Variants in ZNF407 observed in about 807,000 individuals in gnomAD.
ZNF407 encodes the protein zinc finger protein 407.
Under a neutral mutation model 131.2 loss-of-function variants are expected in ZNF407, and 17 were observed. That is an observed-to-expected ratio of 0.13 (90% CI 0.09 to 0.19). The LOEUF is 0.19. Ranked by LOEUF, ZNF407 falls within the 10% of genes least tolerant of loss-of-function variation. The probability of loss-of-function intolerance (pLI) is 1.00; values close to 1 mark genes in which losing one functional copy is unlikely to be tolerated. For synonymous variants in ZNF407, 1,156 were observed against 1,062.0 expected (o/e 1.09, Z -1.72); for missense variants, 2,681 against 2,830.6 (o/e 0.95, Z 1.20).
chr18:74,674,931 T>A (rs532863286), intron 3 of ZNF407, among the ~76,000 whole-genome samples: 1 of 152,322 alleles, frequency 6.6e-6, no homozygotes, highest in African/African-American at 2.4e-5. Flanking sequence ...AATGTATATC[T>A]CTAGTCTTGA....
intron 3 of ZNF407, among the ~76,000 whole-genome samples, chr18:74,669,591 G>T (rs558413994): frequency 6.6e-6 from 1 of 152,200 alleles, no homozygotes; most frequent in African/African-American, 2.4e-5. Context: ...TTGGAAGTTA[G>T]TTATTGACCA....
At chr18:74,754,449 A>T (rs1048943400) in intron 3 of ZNF407, among the ~76,000 whole-genome samples, 7 of 152,130 alleles carry the variant, frequency 4.6e-5, no homozygotes, top group Admixed American at 2.6e-4. Context: ...TTAGGATATC[A>T]ATTTTAGATC....
chr18:74,758,525 A>ATT (rs1489003306), intron 3 of ZNF407, among the ~76,000 whole-genome samples: 1 of 152,204 alleles, frequency 6.6e-6, no homozygotes, highest in East Asian at 1.9e-4. Flanking sequence ...CAAATTTGTA[A>ATT]TTACTGTTTT....
chr18:74,876,682 A>G (rs1971161129), intron 4 of ZNF407, among the ~76,000 whole-genome samples: 1 of 152,190 alleles, frequency 6.6e-6, no homozygotes, highest in African/African-American at 2.4e-5. Flanking sequence ...ATGTACCCAC[A>G]TGGTCACACA....
intron 8 of ZNF407, among the ~76,000 whole-genome samples, chr18:74,932,106 C>T (rs1971989340): frequency 1.3e-5 from 2 of 152,084 alleles, no homozygotes; most frequent in South Asian, 4.1e-4. Flanking sequence ...AAGCTAGTTG[C>T]CTAACTTGAG....
intron 8 of ZNF407, among the ~76,000 whole-genome samples, chr18:74,933,403 G>A (rs1040743967): frequency 3.3e-5 from 5 of 152,186 alleles, no homozygotes; most frequent in Non-Finnish European, 4.4e-5. Context: ...GCCGGGAGCT[G>A]CAGGGAGGGA....
intron 3 of ZNF407, among the ~76,000 whole-genome samples, chr18:74,656,117 G>A (rs1474440206): frequency 1.3e-5 from 2 of 151,996 alleles, no homozygotes; most frequent in Non-Finnish European, 2.9e-5. Flanking sequence ...AGGCAGATTA[G>A]GAAATGGGCC....
chr18:75,055,229 AG>A (rs1973548671), intron 8 of ZNF407, among the ~76,000 whole-genome samples: 1 of 152,230 alleles, frequency 6.6e-6, no homozygotes, highest in Admixed American at 6.5e-5. Flanking sequence ...GTAAATGACT[AG>A]ATCAGAGCCC....
chr18:74,687,765 T>G (rs1311729943), intron 3 of ZNF407, among the ~76,000 whole-genome samples: 1 of 152,164 alleles, frequency 6.6e-6, no homozygotes, highest in East Asian at 1.9e-4. Context: ...TCTTAGAAAT[T>G]AAAAAGAATA....
Position 74,635,021 on chromosome 18 carries a change from T to G in ZNF407, c.4002T>G (p.Ser1334Arg). The change falls in exon 2 of 9, where the codon AGT becomes AGG. Residue 1334 changes from serine (S) to arginine (R), a missense_variant. Physicochemically the swap from Ser to Arg is moderately radical, Grantham distance 110. Around this residue, in one of 6 missense-constraint regions of ZNF407, gnomAD observed 1,789 missense variants for 1,748.7 expected, o/e 1.02. Transcript: ENST00000299687. This position sits in a 1 kb window ranked among gnomAD's most constrained non-coding sequence, Gnocchi z 4.7. ...CTTCTGATAGCACAGTTGAAAGTAG[T>G]GATGTCTATGAAACTATAATTAGTA... is the stretch of plus-strand genomic sequence containing the variant. ...GPASDSTVESSDVYETIISID... is the reference protein window; with the variant it reads ...GPASDSTVESRDVYETIISID... 1 of 1,613,976 alleles carries G rather than the reference T, an allele frequency of 6.2e-7. No individual in the cohort carries two copies. The highest frequency in any genetic ancestry group is 8.5e-7 in the Non-Finnish European group (1 of 1,179,906).
intron 8 of ZNF407, among the ~76,000 whole-genome samples, chr18:74,949,759 G>A (rs1972192939): frequency 6.6e-6 from 1 of 152,144 alleles, no homozygotes; most frequent in African/African-American, 2.4e-5. Flanking sequence ...CCCTGCTGCT[G>A]AATAGATGGC....
Position 74,889,902 on chromosome 18 carries a change from T to C in ZNF407, c.5129-16T>C. 6.3e-7 allele frequency: 1 copy of C among 1,597,786 alleles called. No homozygotes were observed. Among genetic ancestry groups the C allele is most frequent in the Non-Finnish European group, 8.5e-7 (1 of 1,171,904 alleles). On this transcript the variant is annotated splice_polypyrimidine_tract_variant and intron_variant, in intron 6 of 8. Coordinates refer to ENST00000299687, the MANE Select transcript of ZNF407 (RefSeq NM_017757.3). ...GTTATTATTATTCATCTGTAACATTTCTTGATATATTACAGGAGAAAAACC... is the reference window on the plus strand; with the variant it reads ...GTTATTATTATTCATCTGTAACATTCCTTGATATATTACAGGAGAAAAACC...
intron 6 of ZNF407, among the ~76,000 whole-genome samples, chr18:74,882,205 A>G (rs146608387): frequency 6.6e-6 from 1 of 152,328 alleles, no homozygotes; most frequent in African/African-American, 2.4e-5. Flanking sequence ...TATATAATCT[A>G]ATGGGTCTTA....
chr18:74,649,836 A>G (rs1055909723), intron 3 of ZNF407, among the ~76,000 whole-genome samples: 2 of 152,264 alleles, frequency 1.3e-5, no homozygotes, highest in Non-Finnish European at 2.9e-5. Context: ...TTAAGCAGCA[A>G]AGTTAATTAA....
chr18:74,973,127 T>TA (rs1159162995), intron 8 of ZNF407, among the ~76,000 whole-genome samples: 1 of 140,918 alleles, frequency 7.1e-6, no homozygotes, highest in African/African-American at 3.0e-5. Flanking sequence ...TATTCTAGGT[T>TA]TTATATATAT....
At chr18:74,919,291 A>G (rs1276875949) in intron 7 of ZNF407, among the ~76,000 whole-genome samples, 1 of 152,304 alleles carries the variant, frequency 6.6e-6, no homozygotes, top group Middle Eastern at 3.4e-3. Flanking sequence ...CCCAAGGTAT[A>G]TTCCCTAAAA....
chr18:74,634,783 A>G lies in ZNF407; in HGVS notation c.3764A>G (p.Asp1255Gly). 1.2e-6 allele frequency: 2 copies of G among 1,614,008 alleles called. No individual in the cohort carries two copies. Among genetic ancestry groups the G allele is most frequent in the Non-Finnish European group, 1.7e-6 (2 of 1,179,890 alleles). ...AGACACCTGTGCCCTGTGACGCTCG[A>G]TGGGGAGCGCTCGGCTGAAAGCCCT... The part of the protein sequence containing the change: ...PHRHLCPVTL[D>G]GERSAESPVL... The change falls in exon 2 of 9, where the codon GAT becomes GGT. Residue 1255 changes from aspartate to glycine, a missense_variant. Physicochemically the swap from Asp to Gly is moderately conservative, Grantham distance 94 (BLOSUM62 -1). Coordinates refer to ENST00000299687, the MANE Select transcript of ZNF407 (RefSeq NM_017757.3).
At chr18:74,613,639 C>T (rs1479138184) in intron 1 of ZNF407, among the ~76,000 whole-genome samples, 1 of 152,198 alleles carries the variant, frequency 6.6e-6, no homozygotes, top group Non-Finnish European at 1.5e-5. Flanking sequence ...AAATACAGAA[C>T]ATAGGTTTCT....
At position 74,650,548 on chromosome 18, in the gene ZNF407, C is replaced by G. The variant is rs537443094; in HGVS notation, c.4802+9426C>G. ...TTCAGCAGACATCCTGTTAGTCACT[C>G]TTTCTAGGTAGTTTGGTTGACAGGG... On this transcript the variant is annotated intron_variant, in intron 3 of 8. Coordinates refer to ENST00000299687, the MANE Select transcript of ZNF407 (RefSeq NM_017757.3). 2.6e-5 allele frequency among the ~76,000 whole-genome samples: 4 copies of G among 152,242 alleles called. No individual in the cohort carries two copies. In the South Asian group the frequency reaches 8.3e-4, roughly 32 times the overall value.
Sources: gnomAD v4.1 joint callset for allele counts (sites outside exome capture counted in the v4.1 genomes callset) on GRCh38, gnomAD v4.1.1 for gene constraint, gnomAD v4.1.1 regional missense constraint, Gnocchi (gnomAD v3.1) non-coding constraint, MANE v1.5 for transcripts, NCBI Gene and HGNC (gene_info 2026-07-23, HGNC 2026-07-21) for gene names.